TK1: variants seen among roughly 807,000 people sequenced by gnomAD.
TK1 encodes the protein thymidine kinase 1.
In TK1, 13 loss-of-function variants were observed where a neutral mutation model predicts 22.4. The observed-to-expected ratio is 0.58, with a 90% CI of 0.38 to 0.92. The LOEUF (loss-of-function observed/expected upper bound fraction) is 0.92, where lower values mean the gene tolerates loss of function less well. Ranked by LOEUF, TK1 falls within the 40% of genes least tolerant of loss-of-function variation. The pLI is 0.00. For synonymous variants in TK1, 134 were observed against 125.4 expected (o/e 1.07, Z -0.46); for missense variants, 251 against 315.7 (o/e 0.80, Z 1.55).
At chr17:78,179,553 G>A (rs2075724503) in intron 4 of TK1, 1 of 985,322 alleles carries the variant, frequency 1.0e-6, no homozygotes, top group Admixed American at 6.1e-5. Flanking sequence ...GGACCCGTCA[G>A]CCTCCCCACG....
chr17:78,182,057 G>A (rs766639055), intron 4 of TK1, among the ~76,000 whole-genome samples: 3 of 152,006 alleles, frequency 2.0e-5, no homozygotes, highest in Non-Finnish European at 2.9e-5. Flanking sequence ...CATCTTGCCA[G>A]TAAATAGATA....
intron 4 of TK1, among the ~76,000 whole-genome samples, chr17:78,176,535 C>T (rs1170555991): frequency 3.3e-5 from 5 of 152,128 alleles, no homozygotes; most frequent in South Asian, 2.1e-4. Context: ...CAAAGCCCAA[C>T]GTGACTGATT....
chr17:78,174,758 C>G lies in TK1; in HGVS notation c.*1G>C. The G allele has an allele frequency of 6.3e-7, 1 of 1,599,332 alleles. No individual in the cohort carries two copies. The highest frequency in any genetic ancestry group is 1.3e-5 in the African/African-American group (1 of 74,716). The stretch of plus-strand genomic sequence containing the variant: ...GGGAGCGGGCGGCCCTCGCAGGTCC[C>G]TCAGTTGGCAGGGCTGCATTGCAGA... On this transcript the variant is annotated 3_prime_UTR_variant, in exon 7 of 7. Coordinates refer to ENST00000301634, the MANE Select transcript of TK1 (RefSeq NM_003258.5).
chr17:78,176,770 G>C (rs1165726935), intron 4 of TK1, among the ~76,000 whole-genome samples: 1 of 152,234 alleles, frequency 6.6e-6, no homozygotes, highest in Non-Finnish European at 1.5e-5. Flanking sequence ...TTTGAGGCCG[G>C]ATCTCGCTGT....
At position 78,174,942 on chromosome 17, in the gene TK1, C is replaced by G; in HGVS notation, c.522G>C (p.Val174=). ...KRLGTEKEVE[V]IGGADKYHSV... is the part of the protein sequence containing the mutation. ...AGTGGTACTTGTCTGCTCCCCCAAT[C>G]ACCTCGACCTGGCCGCAGGGACAGG... The change falls in exon 7 of 7, where the codon GTG becomes GTC. Residue 174 remains valine, a synonymous_variant. Transcript: ENST00000301634. The G allele has an allele frequency of 6.2e-7, 1 of 1,612,968 alleles. No homozygotes were observed. Among genetic ancestry groups the G allele is most frequent in the Non-Finnish European group, 8.5e-7 (1 of 1,179,168 alleles).
In TK1 at chr17:78,174,455, G is replaced by T. The variant is rs771438035; in HGVS notation, c.*304C>A. The T allele has an allele frequency of 4.0e-5, 16 of 399,428 alleles. No individual in the cohort carries two copies. Among genetic ancestry groups the T allele is most frequent in the Non-Finnish European group, 6.4e-5 (14 of 220,354 alleles). The allele number at this position is 399,428 out of a possible 1,614,324, so 24.7% of individuals were successfully genotyped here. A position where few individuals can be genotyped will look rare whatever the true frequency, so the allele number is the denominator to read the frequency against. On this transcript the variant is annotated 3_prime_UTR_variant, in exon 7 of 7. Coordinates refer to ENST00000301634, the MANE Select transcript of TK1 (RefSeq NM_003258.5). ...GAAGAAGCAGGCTGATGTCAACAGC[G>T]TGGGGCTCTGTCCCTCACCCCAAGG...
chr17:78,175,348 C>T (rs2075691157), intron 5 of TK1, among the ~76,000 whole-genome samples, 179 bp from the exon 6 acceptor site: 1 of 151,992 alleles, frequency 6.6e-6, no homozygotes, highest in African/African-American at 2.4e-5. Flanking sequence ...GCACCTGCCG[C>T]AACAGATGGC....
At chr17:78,187,180 CGTG>C, upstream of TK1, 1 of 884,420 alleles carries the variant, frequency 1.1e-6, no homozygotes, top group Non-Finnish European at 1.8e-6. Context: ...CCCGCCCCCT[CGTG>C]GGAGGAATCC....
rs200905217 is a variant in TK1, at chr17:78,175,107, C to T, written c.456G>A (p.Val152=). 6 of 1,613,336 alleles carry T rather than the reference C, an allele frequency of 3.7e-6. No individual in the cohort carries two copies. The highest frequency in any genetic ancestry group is 5.1e-6 in the Non-Finnish European group (6 of 1,179,902). ...LAESVVKLTA[V]CMECFREAAY... ...CGGCTTCCCGGAAGCACTCCATGCA[C>T]ACCGCCGTCAGCTTCACCACGCTCT... is the stretch of plus-strand genomic sequence containing the variant. The change falls in exon 6 of 7, where the codon GTG becomes GTA. Residue 152 remains valine, a synonymous_variant. Coordinates refer to ENST00000301634, the MANE Select transcript of TK1 (RefSeq NM_003258.5).
chr17:78,178,101 C>A (rs948193969), intron 4 of TK1, among the ~76,000 whole-genome samples: 1 of 152,168 alleles, frequency 6.6e-6, no homozygotes, highest in Admixed American at 6.5e-5. Context: ...AAACTCCTGA[C>A]CTCAAGTGAT....
chr17:78,182,555 G>C lies in TK1; in HGVS notation c.303+34C>G, dbSNP rs746695802. 2.0e-6 allele frequency: 3 copies of C among 1,504,636 alleles called. No individual in the cohort carries two copies. In the African/African-American group the frequency reaches 4.2e-5, roughly 21 times the overall value. The allele number at this position is 1,504,636 out of a possible 1,614,324, so 93.2% of individuals were successfully genotyped here. A position where few individuals can be genotyped will look rare whatever the true frequency, so the allele number is the denominator to read the frequency against. Reference sequence around the variant, plus strand: ...AAACGGGAGGACAGAGCGGAAGCTGGCAGGAAGAGTGATGCCAAGACAAGC... The same window carrying C: ...AAACGGGAGGACAGAGCGGAAGCTGCCAGGAAGAGTGATGCCAAGACAAGC... On this transcript the variant is annotated intron_variant, in intron 4 of 6. Transcript: ENST00000301634.
At chr17:78,186,245 CAAAAA>C (rs1031306058) in intron 2 of TK1, among the ~76,000 whole-genome samples, 1 of 151,952 alleles carries the variant, frequency 6.6e-6, no homozygotes, top group Non-Finnish European at 1.5e-5. Context: ...TCTAGAAGAA[CAAAAA>C]CAAAACAAAA....
At chr17:78,182,749 G>C in intron 3 of TK1, 67 bp from the exon 4 acceptor site, 2 of 1,278,606 alleles carry the variant, frequency 1.6e-6, no homozygotes, top group Non-Finnish European at 2.1e-6. Context: ...AGGGGCCAGG[G>C]AATGGCACTG....
chr17:78,182,627 G>C lies in TK1; in HGVS notation c.265C>G (p.Leu89Val). 1 of 1,595,644 alleles carries C rather than the reference G, an allele frequency of 6.3e-7. No homozygotes were observed. Among genetic ancestry groups the C allele is most frequent in the African/African-American group, 1.3e-5 (1 of 74,742 alleles). Residue 89 changes from leucine (L) to valine (V), a missense_variant, in exon 4 of 7, where the codon CTG (leucine) becomes GTG (valine). Leu to Val is a conservative substitution (Grantham distance 32). Transcript: ENST00000301634. ...CLLRDVAQEA[L>V]GVAVIGIDEG... ...TCGATGCCTATGACAGCCACGCCCA[G>C]GGCCTCCTGGGCCACGTCTCGGAGC...
chr17:78,182,788 G>T, intron 3 of TK1, 106 bp from the exon 4 acceptor site: 1 of 764,366 alleles, frequency 1.3e-6, no homozygotes, highest in Non-Finnish European at 1.9e-6. Flanking sequence ...TGCAAAGCAG[G>T]CTCAGTGTTC....
chr17:78,178,228 A>G (rs2075714786), intron 4 of TK1, among the ~76,000 whole-genome samples: 1 of 152,218 alleles, frequency 6.6e-6, no homozygotes, highest in Non-Finnish European at 1.5e-5. Context: ...CGACCCTGCA[A>G]GCCCACCACA....
At position 78,175,508 on chromosome 17, in the gene TK1, GA is replaced by G; in HGVS notation, c.393+20del. ...CTTGCCCTCCTCAATCCCAGCTCCA[GA>G]CCTGGATCAGACGCCTTACCTTCCT... On this transcript the variant is annotated intron_variant, in intron 5 of 6. Transcript: ENST00000301634. 2 of 1,609,006 alleles carry G rather than the reference GA, an allele frequency of 1.2e-6. No individual in the cohort carries two copies. Among genetic ancestry groups the G allele is most frequent in the Non-Finnish European group, 1.7e-6 (2 of 1,177,068 alleles).
rs763441233 is a variant in TK1, at chr17:78,174,515, G to C, written c.*244C>G. The C allele has an allele frequency of 1.9e-6, 1 of 533,466 alleles. No individual in the cohort carries two copies. Among genetic ancestry groups the C allele is most frequent in the Non-Finnish European group, 3.3e-6 (1 of 302,826 alleles). 33.0% of individuals were successfully genotyped at this position (533,466 alleles called of 1,614,324 possible). A position where few individuals can be genotyped will look rare whatever the true frequency, so the allele number is the denominator to read the frequency against. Reference sequence around the variant, plus strand: ...GTGCCAGATCCCAGGCCACCAAGCGGGGCCAGCTCCAGCCTGGGCGATCGT... The same window carrying C: ...GTGCCAGATCCCAGGCCACCAAGCGCGGCCAGCTCCAGCCTGGGCGATCGT... On this transcript the variant is annotated 3_prime_UTR_variant, in exon 7 of 7. Coordinates refer to ENST00000301634, the MANE Select transcript of TK1 (RefSeq NM_003258.5).
chr17:78,178,357 A>G (rs946752136), intron 4 of TK1, among the ~76,000 whole-genome samples: 2 of 152,098 alleles, frequency 1.3e-5, no homozygotes, highest in Non-Finnish European at 2.9e-5. Flanking sequence ...TTGGATGCCA[A>G]CAGTTTCTAC....
Sources: gnomAD v4.1 joint callset for allele counts (sites outside exome capture counted in the v4.1 genomes callset) on GRCh38, gnomAD v4.1.1 for gene constraint, MANE v1.5 for transcripts, NCBI Gene and HGNC (gene_info 2026-07-23, HGNC 2026-07-21) for gene names.